Variants in TMCC1 observed in about 807,000 individuals in gnomAD.
The protein encoded by TMCC1 is transmembrane and coiled-coil domains protein 1.
In TMCC1, 15 loss-of-function variants were observed where a neutral mutation model predicts 52.4. That is an observed-to-expected ratio of 0.29 (90% CI 0.19 to 0.44). TMCC1 has a LOEUF of 0.44. Ranked by LOEUF, TMCC1 falls within the 20% of genes least tolerant of loss-of-function variation. TMCC1 has a pLI of 1.00. For synonymous variants in TMCC1, 279 were observed against 301.9 expected, an observed-to-expected ratio of 0.92 and a Z score of 0.79; for missense variants, 503 against 806.0, an observed-to-expected ratio of 0.62 and a Z score of 4.55.
Position 129,654,972 on chromosome 3 carries a change from A to C in TMCC1, c.1643T>G (p.Ile548Ser), listed in dbSNP as rs759895447. Residue 548 changes from isoleucine (I) to serine (S), a missense_variant, in exon 6 of 7, where the codon ATC becomes AGC. By Grantham distance (142) the Ile-to-Ser change is moderately radical (BLOSUM62 -2). Transcript: ENST00000393238. Reference sequence around the variant, plus strand: ...CACCTTTTCCTTCATACTAACCTGGATGTCCCGGGCCCGTTCATAGGACTG... The same window carrying C: ...CACCTTTTCCTTCATACTAACCTGGCTGTCCCGGGCCCGTTCATAGGACTG... The part of the protein sequence containing the change: ...AYQSYERARD[I>S]QEALEACQTR... The C allele has an allele frequency of 6.2e-7, 1 of 1,613,552 alleles. No homozygotes were observed. The highest frequency in any genetic ancestry group is 1.1e-5 in the South Asian group (1 of 91,044).
intron 4 of TMCC1, among the ~76,000 whole-genome samples, chr3:129,700,994 TG>T (rs2047784672): frequency 6.6e-6 from 1 of 152,212 alleles, no homozygotes; most frequent in Non-Finnish European, 1.5e-5. Context: ...CTTTACTTTC[TG>T]GATAAAATTC....
intron 4 of TMCC1, among the ~76,000 whole-genome samples, chr3:129,798,166 T>C (rs2056966065): frequency 1.3e-5 from 2 of 151,902 alleles, no homozygotes; most frequent in South Asian, 4.2e-4. Context: ...CGGCTAATTT[T>C]TGTATTTTTA....
intron 4 of TMCC1, among the ~76,000 whole-genome samples, chr3:129,715,251 C>T (rs1423985837): frequency 6.6e-6 from 1 of 152,146 alleles, no homozygotes; most frequent in African/African-American, 2.4e-5. Flanking sequence ...AACCCTGTCC[C>T]CATCCTACCT....
chr3:129,741,013 C>T (rs925014966), intron 4 of TMCC1, among the ~76,000 whole-genome samples: 2 of 152,110 alleles, frequency 1.3e-5, no homozygotes, highest in African/African-American at 2.4e-5. Flanking sequence ...GGAATTATAC[C>T]TTAAGCTTTC....
At chr3:129,682,661 C>T (rs1353573512) in intron 4 of TMCC1, among the ~76,000 whole-genome samples, 4 of 152,154 alleles carry the variant, frequency 2.6e-5, no homozygotes, top group Non-Finnish European at 5.9e-5. Context: ...GCTATTTCTA[C>T]ATGAATATCC....
chr3:129,746,655 A>G (rs2052004603), intron 4 of TMCC1, among the ~76,000 whole-genome samples: 1 of 152,216 alleles, frequency 6.6e-6, no homozygotes, highest in Non-Finnish European at 1.5e-5. Context: ...TACAATAAAC[A>G]TTGCTAGCAT....
rs2086165731 is a variant in TMCC1, at chr3:129,648,754, T to TAGAGCGAGGTTATAGA, written c.*2711_*2726dup. 6.6e-6 allele frequency: 1 copy of TAGAGCGAGGTTATAGA among 151,942 alleles called. No individual in the cohort carries two copies. The highest frequency in any genetic ancestry group is 1.9e-4 in the East Asian group (1 of 5,174). 9.4% of individuals were successfully genotyped at this position (151,942 alleles called of 1,614,324 possible). Reference sequence around the variant, plus strand: ...CCACCCAGAACAACTGTTAAGCCATTAGAGCGAGGTTATAGAAGAGCTCTG... The same window carrying TAGAGCGAGGTTATAGA: ...CCACCCAGAACAACTGTTAAGCCATTAGAGCGAGGTTATAGAAGAGCGAGGTTATAGAAGAGCTCTG... On this transcript the variant is annotated 3_prime_UTR_variant, in exon 7 of 7. Transcript: ENST00000393238.
At chr3:129,697,679 C>CT (rs2047512687) in intron 4 of TMCC1, among the ~76,000 whole-genome samples, 1 of 152,182 alleles carries the variant, frequency 6.6e-6, no homozygotes, top group South Asian at 2.1e-4. Context: ...CACTTTGCCA[C>CT]TTAGAAATTT....
intron 4 of TMCC1, among the ~76,000 whole-genome samples, chr3:129,824,240 G>A (rs1348519757): frequency 1.3e-5 from 2 of 152,122 alleles, no homozygotes; most frequent in Non-Finnish European, 2.9e-5. Context: ...GGAGGCTGAG[G>A]CAGGAGAATT....
At chr3:129,682,210 T>C (rs1236766803) in intron 4 of TMCC1, among the ~76,000 whole-genome samples, 6 of 152,178 alleles carry the variant, frequency 3.9e-5, no homozygotes, top group South Asian at 4.1e-4. Flanking sequence ...TTGTGCACTG[T>C]AGATTCAAAC....
intron 6 of TMCC1, among the ~76,000 whole-genome samples, chr3:129,653,605 G>A (rs1411074962): frequency 7.2e-5 from 11 of 152,014 alleles, no homozygotes; most frequent in East Asian, 3.9e-4. Flanking sequence ...CAACATGCCC[G>A]GCTAATTTTT....
At chr3:129,852,443 C>A (rs560752523) in intron 2 of TMCC1, among the ~76,000 whole-genome samples, 1 of 116,088 alleles carries the variant, frequency 8.6e-6, no homozygotes, top group African/African-American at 3.5e-5. Context: ...GGTGACAGAA[C>A]GAGACACCGT....
chr3:129,828,538 C>CAAAAAAAAA lies in TMCC1; in HGVS notation c.-130-39_-130-31dup. ...TGTTAAAAACAAAAAAACAAAAAAA[C>CAAAAAAAAA]AAAAAAAAAACCTTATATTATAAAT... On this transcript the variant is annotated intron_variant, in intron 3 of 6. Coordinates refer to ENST00000393238, the MANE Select transcript of TMCC1 (RefSeq NM_001017395.5). The surrounding 1 kb of genome is among the most constrained non-coding windows in gnomAD (Gnocchi z 4.1). 1 of 547,430 alleles carries CAAAAAAAAA rather than the reference C, an allele frequency of 1.8e-6. No individual in the cohort carries two copies. Among genetic ancestry groups the CAAAAAAAAA allele is most frequent in the South Asian group, 3.0e-5 (1 of 32,792 alleles). 33.9% of individuals were successfully genotyped at this position (547,430 alleles called of 1,614,324 possible).
chr3:129,724,032 C>A (rs112348434), intron 4 of TMCC1, among the ~76,000 whole-genome samples: 1 of 151,742 alleles, frequency 6.6e-6, no homozygotes, highest in African/African-American at 2.4e-5. Flanking sequence ...GAATAACCCT[C>A]AGGTTTCTCC....
intron 4 of TMCC1, among the ~76,000 whole-genome samples, chr3:129,744,984 G>A (rs987094624): frequency 3.9e-5 from 6 of 152,214 alleles, no homozygotes; most frequent in African/African-American, 1.2e-4. Flanking sequence ...AGTTCAGAAA[G>A]TTTAAGAGAT....
intron 4 of TMCC1, among the ~76,000 whole-genome samples, chr3:129,734,701 A>G (rs1312791589): frequency 6.6e-6 from 1 of 152,110 alleles, no homozygotes; most frequent in African/African-American, 2.4e-5. Flanking sequence ...CAAAAGAATA[A>G]AACACATATG....
Position 129,708,391 on chromosome 3 carries a change from A to AT in TMCC1, c.577-37128dup, listed in dbSNP as rs1041077729. ...TGTCTGATTTAGATTAAAATCTAAG[A>AT]TTTTTTTGTATCTAACTCAGATTTG... On this transcript the variant is annotated intron_variant, in intron 4 of 6. Coordinates refer to ENST00000393238, the MANE Select transcript of TMCC1 (RefSeq NM_001017395.5). Among the ~76,000 whole-genome samples, 18 of 152,282 alleles carry AT rather than the reference A, an allele frequency of 1.2e-4. No homozygotes were observed. In the South Asian group the frequency reaches 1.7e-3, roughly 14 times the overall value.
At chr3:129,886,496 C>T (rs763877224) in intron 1 of TMCC1, among the ~76,000 whole-genome samples, 16 of 152,094 alleles carry the variant, frequency 1.1e-4, no homozygotes, top group Non-Finnish European at 1.5e-4. Flanking sequence ...AAAAAAGCGG[C>T]ATTATTCAGA....
intron 4 of TMCC1, among the ~76,000 whole-genome samples, chr3:129,689,013 A>C (rs1258590323): frequency 6.6e-6 from 1 of 152,228 alleles, no homozygotes; most frequent in Non-Finnish European, 1.5e-5. Context: ...ATAAAGGCCC[A>C]GAAGACTGCC....
Sources: gnomAD v4.1 joint callset for allele counts (sites outside exome capture counted in the v4.1 genomes callset) on GRCh38, gnomAD v4.1.1 for gene constraint, Gnocchi (gnomAD v3.1) non-coding constraint, MANE v1.5 for transcripts, NCBI Gene and HGNC (gene_info 2026-07-23, HGNC 2026-07-21) for gene names.